The following TOP1 variants were observed in gnomAD, a reference collection of about 807,000 sequenced individuals.
The protein encoded by TOP1 is DNA topoisomerase I.
TOP1 carries 10 observed loss-of-function variants against 111.1 expected under a neutral mutation model. The observed-to-expected ratio is 0.09, with a 90% CI of 0.06 to 0.15. TOP1 has a LOEUF of 0.15. Ranked by LOEUF, TOP1 falls within the 10% of genes least tolerant of loss-of-function variation. The pLI is 1.00. For synonymous variants in TOP1, 271 were observed against 302.9 expected (o/e 0.89, Z 1.10); for missense variants, 474 against 926.7 (o/e 0.51, Z 6.34).
Position 41,123,798 on chromosome 20 carries a change from G to A in TOP1, c.*501G>A, listed in dbSNP as rs116334415. Reference sequence around the variant, plus strand: ...AAAACCCAGCGCACCTGTTAGAGTCGTCACTCTCTATTGTCATGGGGATCA... The same window carrying A: ...AAAACCCAGCGCACCTGTTAGAGTCATCACTCTCTATTGTCATGGGGATCA... On this transcript the variant is annotated 3_prime_UTR_variant, in exon 21 of 21. Coordinates refer to ENST00000361337, the MANE Select transcript of TOP1 (RefSeq NM_003286.4). The surrounding 1 kb of genome is among the most constrained non-coding windows in gnomAD (Gnocchi z 5.8). The A allele has an allele frequency of 4.7e-3, 1,092 of 232,560 alleles. 10 individuals are homozygous for A. Among genetic ancestry groups the A allele is most frequent in the African/African-American group, 0.022 (1,020 of 45,352 alleles). 14.4% of individuals were successfully genotyped at this position (232,560 alleles called of 1,614,324 possible). A position where few individuals can be genotyped will look rare whatever the true frequency, so the allele number is the denominator to read the frequency against.
rs544249855 is a variant in TOP1 at position 41,071,413 on chromosome 20, C to T, written c.156-4758C>T. Among the ~76,000 whole-genome samples, 2 of 151,546 alleles carry T rather than the reference C, an allele frequency of 1.3e-5. No homozygotes were observed. The highest frequency in any genetic ancestry group is 2.4e-5 in the African/African-American group (1 of 41,246). Reference sequence around the variant, plus strand: ...AGGCTGGAGTGCAGTGGCGTGATCTCGGCTCACTGCAGCCTCTGTCTCCCT... The same window carrying T: ...AGGCTGGAGTGCAGTGGCGTGATCTTGGCTCACTGCAGCCTCTGTCTCCCT... On this transcript the variant is annotated intron_variant, in intron 3 of 20. Coordinates refer to ENST00000361337, the MANE Select transcript of TOP1 (RefSeq NM_003286.4). This position sits in a 1 kb window ranked among gnomAD's most constrained non-coding sequence, Gnocchi z 4.3.
intron 9 of TOP1, among the ~76,000 whole-genome samples, chr20:41,093,328 C>G (rs1319276302): frequency 6.6e-6 from 1 of 152,128 alleles, no homozygotes; most frequent in Non-Finnish European, 1.5e-5. Flanking sequence ...GAGCATTGTT[C>G]CTCATACCCT....
Position 41,122,202 on chromosome 20 carries a change from G to A in TOP1, c.2195+47G>A, listed in dbSNP as rs765839204. 1 of 1,604,434 alleles carries A rather than the reference G, an allele frequency of 6.2e-7. No homozygotes were observed. Among genetic ancestry groups the A allele is most frequent in the Non-Finnish European group, 8.5e-7 (1 of 1,173,322 alleles). ...AGCTCCTGCTGCTAGCTTAAGAAAG[G>A]TGGAGGGGGTTCCGAGAGCACTGGT... On this transcript the variant is annotated intron_variant, in intron 20 of 20. Coordinates refer to ENST00000361337, the MANE Select transcript of TOP1 (RefSeq NM_003286.4). This position sits in a 1 kb window ranked among gnomAD's most constrained non-coding sequence, Gnocchi z 5.4.
At chr20:41,104,149 AT>A (rs1326195573) in intron 13 of TOP1, among the ~76,000 whole-genome samples, 1 of 152,212 alleles carries the variant, frequency 6.6e-6, no homozygotes, top group Non-Finnish European at 1.5e-5. Flanking sequence ...CTCTAAGAAG[AT>A]TGAAGAGTTA....
rs952525734 is a variant in TOP1, at chr20:41,109,013, C to T, written c.1309-3769C>T. 9.9e-5 allele frequency among the ~76,000 whole-genome samples: 15 copies of T among 152,198 alleles called. No individual in the cohort carries two copies. The highest frequency in any genetic ancestry group is 2.2e-4 in the Non-Finnish European group (15 of 68,036). ...AATGCAGTACAGCAAACTTTAGGAT[C>T]AATGTTGACATCGTATTGCGTTTAG... On this transcript the variant is annotated intron_variant, in intron 13 of 20. Transcript: ENST00000361337. The surrounding 1 kb of genome is among the most constrained non-coding windows in gnomAD (Gnocchi z 4.1).
intron 2 of TOP1, among the ~76,000 whole-genome samples, chr20:41,043,662 A>G (rs1219603138): frequency 6.7e-6 from 1 of 150,100 alleles, no homozygotes; most frequent in East Asian, 1.9e-4. Context: ...TTATGGCCAG[A>G]CAAAGTATGG....
rs370402990 is a variant in TOP1 at position 41,080,215 on chromosome 20, C to T, written c.431+35C>T. On this transcript the variant is annotated intron_variant, in intron 6 of 20. Coordinates refer to ENST00000361337, the MANE Select transcript of TOP1 (RefSeq NM_003286.4). This position sits in a 1 kb window ranked among gnomAD's most constrained non-coding sequence, Gnocchi z 5.0. Reference sequence around the variant, plus strand: ...TTCTTAAAACTTTGACTTTTGAAAACAAAAAGGAGGAGTTTAAAGAATAAA... The same window carrying T: ...TTCTTAAAACTTTGACTTTTGAAAATAAAAAGGAGGAGTTTAAAGAATAAA... The T allele has an allele frequency of 9.5e-6, 12 of 1,268,642 alleles. No individual in the cohort carries two copies. Among genetic ancestry groups the T allele is most frequent in the Non-Finnish European group, 1.3e-5 (12 of 890,882 alleles). 78.6% of individuals were successfully genotyped at this position (1,268,642 alleles called of 1,614,324 possible). A position where few individuals can be genotyped will look rare whatever the true frequency, so the allele number is the denominator to read the frequency against.
In TOP1 at chr20:41,083,984, A is replaced by G. The variant is rs2145940081; in HGVS notation, c.508-478A>G. Among the ~76,000 whole-genome samples the G allele has an allele frequency of 6.6e-6, 1 of 152,304 alleles. No individual in the cohort carries two copies. The highest frequency in any genetic ancestry group is 2.1e-4 in the South Asian group (1 of 4,822). On this transcript the variant is annotated intron_variant, in intron 7 of 20. Transcript: ENST00000361337. The surrounding 1 kb of genome is among the most constrained non-coding windows in gnomAD (Gnocchi z 7.2). ...CTTACTGCATCATGACTTTGTGTAT[A>G]CAAGCAGCAGCGATAGTACTATACT... is the stretch of plus-strand genomic sequence containing the variant.
Position 41,118,159 on chromosome 20 carries a change from T to C in TOP1, c.1823-10T>C. On this transcript the variant is annotated splice_polypyrimidine_tract_variant and intron_variant, in intron 17 of 20. Transcript: ENST00000361337. The surrounding 1 kb of genome is among the most constrained non-coding windows in gnomAD (Gnocchi z 4.6). The stretch of plus-strand genomic sequence containing the variant: ...CTGACCCTCTTGCTACCATGTTCCT[T>C]TCTTTACAGCGGATGAGAACATCCC... 6.2e-7 allele frequency: 1 copy of C among 1,612,796 alleles called. No individual in the cohort carries two copies. Among genetic ancestry groups the C allele is most frequent in the South Asian group, 1.1e-5 (1 of 91,006 alleles).
intron 3 of TOP1, chr20:41,073,387 AAG>A: frequency 1.0e-6 from 1 of 977,296 alleles, no homozygotes; most frequent in Non-Finnish European, 1.2e-6. Flanking sequence ...AAAAAAAAAA[AAG>A]AAAGAAAGAA....
At chr20:41,049,500 C>CT (rs2033375626) in intron 2 of TOP1, among the ~76,000 whole-genome samples, 1 of 152,198 alleles carries the variant, frequency 6.6e-6, no homozygotes, top group Non-Finnish European at 1.5e-5. Flanking sequence ...TTTGTAACTT[C>CT]TTATGAGGGT....
chr20:41,087,660 G>A (rs1353752154), intron 8 of TOP1, among the ~76,000 whole-genome samples: 1 of 152,082 alleles, frequency 6.6e-6, no homozygotes, highest in Admixed American at 6.5e-5. Flanking sequence ...TTAATTTCAA[G>A]GATTAGCATT....
chr20:41,072,780 A>G (rs1017947868), intron 3 of TOP1: 29 of 985,440 alleles, frequency 2.9e-5, no homozygotes, highest in Middle Eastern at 1.0e-3. Flanking sequence ...AGCTCTATAA[A>G]CCCAAATTTC....
rs975115343 is a variant in TOP1, at chr20:41,106,390, C to A, written c.1308+5037C>A. Among the ~76,000 whole-genome samples, 19 of 152,164 alleles carry A rather than the reference C, an allele frequency of 1.2e-4. No individual in the cohort carries two copies. Among genetic ancestry groups the A allele is most frequent in the Admixed American group, 1.2e-3 (19 of 15,266 alleles). On this transcript the variant is annotated intron_variant, in intron 13 of 20. Coordinates refer to ENST00000361337, the MANE Select transcript of TOP1 (RefSeq NM_003286.4). The surrounding 1 kb of genome is among the most constrained non-coding windows in gnomAD (Gnocchi z 4.3). ...AACTTTCAGATAAACTTGTCAAATTCTAATGAAAACTGTTGATAAACTTGT... is the reference window on the plus strand; with the variant it reads ...AACTTTCAGATAAACTTGTCAAATTATAATGAAAACTGTTGATAAACTTGT...
Position 41,124,070 on chromosome 20 carries a change from A to T in TOP1, c.*773A>T. 4.3e-6 allele frequency: 1 copy of T among 233,166 alleles called. No individual in the cohort carries two copies. Among genetic ancestry groups the T allele is most frequent in the Middle Eastern group, 1.3e-3 (1 of 784 alleles). The allele number at this position is 233,166 out of a possible 1,614,324, so 14.4% of individuals were successfully genotyped here. A position where few individuals can be genotyped will look rare whatever the true frequency, so the allele number is the denominator to read the frequency against. ...AGGATAATGAAATAATCAGTGACTG[A>T]AACCATTTTCCCATCATCCTTTGTT... is the stretch of plus-strand genomic sequence containing the variant. On this transcript the variant is annotated 3_prime_UTR_variant, in exon 21 of 21. Transcript: ENST00000361337. This position sits in a 1 kb window ranked among gnomAD's most constrained non-coding sequence, Gnocchi z 5.4.
Position 41,114,848 on chromosome 20 carries a change from TCCTCTTCTTATAAAGACA to T in TOP1, c.1639-514_1639-497del, listed in dbSNP as rs1336317248. The stretch of plus-strand genomic sequence containing the variant: ...TCCTAATAATCCAGCCCACCAGCAG[TCCTCTTCTTATAAAGACA>T]CCTCTTCTCATAAGGACACCATAAT... On this transcript the variant is annotated intron_variant, in intron 15 of 20. Transcript: ENST00000361337. The surrounding 1 kb of genome is among the most constrained non-coding windows in gnomAD (Gnocchi z 4.5). Among the ~76,000 whole-genome samples the T allele has an allele frequency of 6.6e-6, 1 of 152,162 alleles. No individual in the cohort carries two copies. Among genetic ancestry groups the T allele is most frequent in the East Asian group, 1.9e-4 (1 of 5,204 alleles).
At chr20:41,074,616 A>ACAAC (rs1347752630) in intron 3 of TOP1, among the ~76,000 whole-genome samples, 1 of 152,040 alleles carries the variant, frequency 6.6e-6, no homozygotes, top group Non-Finnish European at 1.5e-5. Flanking sequence ...CTCAAGTTGT[A>ACAAC]GCTACTTTTG....
rs973717549 is a variant in TOP1, at chr20:41,030,794, G to C, written c.58+1339G>C. Among the ~76,000 whole-genome samples, 4 of 152,170 alleles carry C rather than the reference G, an allele frequency of 2.6e-5. No individual in the cohort carries two copies. The highest frequency in any genetic ancestry group is 5.9e-5 in the Non-Finnish European group (4 of 68,026). ...ATCATGTTAGCCTGCTCTACTGAGA[G>C]CAACCTTATGTTCAGAGTTTGAAGT... On this transcript the variant is annotated intron_variant, in intron 2 of 20. Transcript: ENST00000361337. This position sits in a 1 kb window ranked among gnomAD's most constrained non-coding sequence, Gnocchi z 4.1.
chr20:41,072,519 A>C, intron 3 of TOP1: 1 of 985,374 alleles, frequency 1.0e-6, no homozygotes, highest in Non-Finnish European at 1.2e-6. Context: ...CCTGTTTCTG[A>C]CTTTCCTGGC....
Sources: gnomAD v4.1 joint callset for allele counts (sites outside exome capture counted in the v4.1 genomes callset) on GRCh38, gnomAD v4.1.1 for gene constraint, Gnocchi (gnomAD v3.1) non-coding constraint, MANE v1.5 for transcripts, NCBI Gene and HGNC (gene_info 2026-07-23, HGNC 2026-07-21) for gene names.